Variants in ERC2 observed in about 807,000 individuals in gnomAD.
ERC2 encodes ELKS/RAB6-interacting/CAST family member 2.
Under a neutral mutation model 114.8 loss-of-function variants are expected in ERC2, and 42 were observed. The ratio of observed to expected loss-of-function variants is 0.37; its 90% CI spans 0.29 to 0.47. ERC2 has a LOEUF of 0.47. Ranked by LOEUF, ERC2 falls within the 20% of genes least tolerant of loss-of-function variation. ERC2 has a pLI of 0.99. For synonymous variants in ERC2, 454 were observed against 425.5 expected (o/e 1.07, Z -0.82); for missense variants, 939 against 1,150.7 (o/e 0.82, Z 2.66).
intron 14 of ERC2, among the ~76,000 whole-genome samples, chr3:55,760,094 G>A (rs962871780): frequency 8.5e-5 from 13 of 152,108 alleles, no homozygotes; most frequent in Non-Finnish European, 1.9e-4. Flanking sequence ...TTTCAGTCTC[G>A]TACTTTTCTA....
In ERC2 at chr3:55,751,799, C is replaced by T. The variant is rs986096967; in HGVS notation, c.2565-16881G>A. ...TGGTACAAACAACAGAAGGCAATGT[C>T]GAGAAAATCCCAGGGAAATAATTCT... On this transcript the variant is annotated intron_variant, in intron 14 of 17. Coordinates refer to ENST00000288221, the MANE Select transcript of ERC2 (RefSeq NM_015576.3). Among the ~76,000 whole-genome samples, 7 of 152,214 alleles carry T rather than the reference C, an allele frequency of 4.6e-5. No homozygotes were observed. The South Asian group carries it at 6.2e-4, about 14-fold the overall frequency.
At chr3:55,994,663 A>G (rs1368349258) in intron 10 of ERC2, among the ~76,000 whole-genome samples, 2 of 149,960 alleles carry the variant, frequency 1.3e-5, no homozygotes, top group African/African-American at 4.9e-5. Context: ...AAAAAAAAAA[A>G]AAAAAAAAAG....
At chr3:55,587,704 G>A (rs1222702481) in intron 17 of ERC2, among the ~76,000 whole-genome samples, 1 of 152,218 alleles carries the variant, frequency 6.6e-6, no homozygotes, top group Non-Finnish European at 1.5e-5. Flanking sequence ...TGCACTTTCT[G>A]TGCCGTGTAG....
intron 12 of ERC2, among the ~76,000 whole-genome samples, chr3:55,953,622 C>A (rs1450318204): frequency 6.6e-6 from 1 of 152,074 alleles, no homozygotes; most frequent in East Asian, 1.9e-4. Context: ...AGCCTCACTA[C>A]CAGATAACCC....
At chr3:55,975,273 T>C (rs1313221864) in intron 12 of ERC2, among the ~76,000 whole-genome samples, 1 of 152,200 alleles carries the variant, frequency 6.6e-6, no homozygotes, top group African/African-American at 2.4e-5. Context: ...AAGCCTGTTC[T>C]TATTTCTGCT....
At chr3:56,304,790 G>C (rs1355494261) in intron 2 of ERC2, among the ~76,000 whole-genome samples, 1 of 152,136 alleles carries the variant, frequency 6.6e-6, no homozygotes, top group Non-Finnish European at 1.5e-5. Flanking sequence ...TAAAGTCTTA[G>C]TGTTTTCTAA....
intron 6 of ERC2, among the ~76,000 whole-genome samples, chr3:56,095,552 A>G (rs1280198697): frequency 2.0e-5 from 3 of 152,232 alleles, no homozygotes; most frequent in Non-Finnish European, 4.4e-5. Context: ...GGAAAGATGC[A>G]TAAGCAAATG....
At chr3:56,051,562 T>C (rs553753227) in intron 7 of ERC2, among the ~76,000 whole-genome samples, 1 of 152,248 alleles carries the variant, frequency 6.6e-6, no homozygotes, top group Non-Finnish European at 1.5e-5. Context: ...GTTTTCAACA[T>C]CAATCTTGAG....
intron 3 of ERC2, among the ~76,000 whole-genome samples, chr3:56,271,050 T>C (rs929874261): frequency 1.3e-5 from 2 of 152,174 alleles, no homozygotes; most frequent in African/African-American, 2.4e-5. Flanking sequence ...TTTCTTTACG[T>C]TGTGAAAAAC....
At chr3:55,906,363 C>CT (rs1281595761) in intron 13 of ERC2, among the ~76,000 whole-genome samples, 1 of 139,960 alleles carries the variant, frequency 7.1e-6, no homozygotes, top group South Asian at 2.3e-4. Flanking sequence ...ACCCGGGAGG[C>CT]GGAGCTTGCA....
At chr3:55,946,965 T>C (rs760615192) in intron 13 of ERC2, among the ~76,000 whole-genome samples, 18 of 152,180 alleles carry the variant, frequency 1.2e-4, no homozygotes, top group Non-Finnish European at 2.2e-4. Context: ...AGTCACTTTA[T>C]TTACACAATG....
intron 16 of ERC2, among the ~76,000 whole-genome samples, chr3:55,685,293 C>A (rs1316763594): frequency 6.6e-6 from 1 of 152,142 alleles, no homozygotes; most frequent in Non-Finnish European, 1.5e-5. Context: ...CTGAACTGGA[C>A]AACTCAGTAT....
At chr3:55,837,049 A>C (rs1227672098) in intron 14 of ERC2, among the ~76,000 whole-genome samples, 1 of 152,220 alleles carries the variant, frequency 6.6e-6, no homozygotes, top group Non-Finnish European at 1.5e-5. Flanking sequence ...TCAAAACCAC[A>C]ATGAGATACC....
chr3:56,067,127 T>C (rs1218546510), intron 7 of ERC2, among the ~76,000 whole-genome samples: 2 of 152,222 alleles, frequency 1.3e-5, no homozygotes, highest in African/African-American at 4.8e-5. Flanking sequence ...TAGCACTGAA[T>C]CTCTAAATTA....
At chr3:56,443,215 A>C (rs1156374633) in intron 1 of ERC2, among the ~76,000 whole-genome samples, 1 of 152,254 alleles carries the variant, frequency 6.6e-6, no homozygotes, top group African/African-American at 2.4e-5. Flanking sequence ...GTTGCTTACA[A>C]CACCAAGATC....
At chr3:55,521,528 CTCA>C (rs1278574698) in intron 17 of ERC2, among the ~76,000 whole-genome samples, 2 of 152,210 alleles carry the variant, frequency 1.3e-5, no homozygotes, top group Non-Finnish European at 2.9e-5. Flanking sequence ...AGGTGAGTAG[CTCA>C]TCAAGAGGCT....
chr3:56,183,959 A>G (rs111712502), intron 3 of ERC2, among the ~76,000 whole-genome samples: 1 of 152,252 alleles, frequency 6.6e-6, no homozygotes, highest in East Asian at 1.9e-4. Context: ...AGAGACAGGG[A>G]AACAGTTTCC....
chr3:56,265,257 C>T (rs1157643566), intron 3 of ERC2, among the ~76,000 whole-genome samples: 2 of 152,052 alleles, frequency 1.3e-5, no homozygotes, highest in Non-Finnish European at 2.9e-5. Flanking sequence ...AAAACAGACA[C>T]ACAGGCCAAT....
intron 13 of ERC2, among the ~76,000 whole-genome samples, chr3:55,948,065 T>A (rs1435220857): frequency 6.6e-6 from 1 of 152,256 alleles, no homozygotes; most frequent in Non-Finnish European, 1.5e-5. Context: ...TATTGCCTTT[T>A]GTGTTCTGGT....
Sources: gnomAD v4.1 joint callset for allele counts (sites outside exome capture counted in the v4.1 genomes callset) on GRCh38, gnomAD v4.1.1 for gene constraint, MANE v1.5 for transcripts, NCBI Gene and HGNC (gene_info 2026-07-23, HGNC 2026-07-21) for gene names.